The following NUP93 variants were observed in gnomAD, a reference collection of about 807,000 sequenced individuals.
The protein encoded by NUP93 is nuclear pore complex protein Nup93.
Under a neutral mutation model 107.8 loss-of-function variants are expected in NUP93, and 55 were observed. The ratio of observed to expected loss-of-function variants is 0.51; its 90% CI spans 0.41 to 0.64. The LOEUF (loss-of-function observed/expected upper bound fraction) is 0.64, where lower values mean the gene tolerates loss of function less well. Ranked by LOEUF, NUP93 falls within the 30% of genes least tolerant of loss-of-function variation. The pLI, the probability that NUP93 is intolerant of heterozygous loss-of-function variation, is 0.00. For missense variants in NUP93, 937 were observed against 1,044.7 expected, an observed-to-expected ratio of 0.90 and a Z score of 1.42; for synonymous variants, 390 against 397.5, an observed-to-expected ratio of 0.98 and a Z score of 0.22.
intron 3 of NUP93, among the ~76,000 whole-genome samples, chr16:56,762,947 C>T (rs1199235036): frequency 6.6e-6 from 1 of 152,064 alleles, no homozygotes; most frequent in Non-Finnish European, 1.5e-5. Context: ...GGATTTAGGA[C>T]CCACCCTAAA....
intron 2 of NUP93, among the ~76,000 whole-genome samples, chr16:56,749,806 TA>T (rs1372739098): frequency 6.6e-6 from 1 of 152,234 alleles, no homozygotes; most frequent in Non-Finnish European, 1.5e-5. Flanking sequence ...TTGGCATTGG[TA>T]AAGGCAAATC....
intron 7 of NUP93, among the ~76,000 whole-genome samples, chr16:56,822,560 TTTTC>T (rs1258936947): frequency 1.0e-4 from 4 of 39,930 alleles, no homozygotes; most frequent in African/African-American, 3.5e-4. Flanking sequence ...CTTTCTTTTC[TTTTC>T]TTTTTTTTTT....
intron 3 of NUP93, among the ~76,000 whole-genome samples, chr16:56,794,090 G>GA (rs1567391409): frequency 0.055 from 4,163 of 75,978 alleles, 85 homozygotes; most frequent in East Asian, 0.11. Flanking sequence ...AGGTAGGTAG[G>GA]TAGATAGATA....
At chr16:56,815,483 A>G (rs1428862729) in intron 5 of NUP93, among the ~76,000 whole-genome samples, 23 of 152,218 alleles carry the variant, frequency 1.5e-4, no homozygotes, top group Admixed American at 1.5e-3. Context: ...GAAAAATGAA[A>G]TGAGACTTTC....
At chr16:56,807,406 A>G (rs1007348122) in intron 5 of NUP93, among the ~76,000 whole-genome samples, 1 of 152,068 alleles carries the variant, frequency 6.6e-6, no homozygotes, top group Non-Finnish European at 1.5e-5. Context: ...ACATCCTTCT[A>G]TGTGCCATAG....
At chr16:56,835,660 C>T (rs1470217659) in intron 16 of NUP93, among the ~76,000 whole-genome samples, 1 of 152,202 alleles carries the variant, frequency 6.6e-6, no homozygotes, top group Non-Finnish European at 1.5e-5. Flanking sequence ...TCAACCTGGT[C>T]CAGCCACCTT....
chr16:56,757,230 T>C (rs1962040624), intron 2 of NUP93, among the ~76,000 whole-genome samples: 1 of 152,252 alleles, frequency 6.6e-6, no homozygotes, highest in African/African-American at 2.4e-5. Flanking sequence ...TTACATGTGC[T>C]GCCAAATTCT....
intron 3 of NUP93, among the ~76,000 whole-genome samples, chr16:56,779,865 A>G (rs2144517104): frequency 6.6e-6 from 1 of 152,298 alleles, no homozygotes; most frequent in Non-Finnish European, 1.5e-5. Context: ...AGTGAACCTC[A>G]GATGTATCCC....
intron 3 of NUP93, among the ~76,000 whole-genome samples, chr16:56,765,063 A>G (rs1457167452): frequency 6.6e-6 from 1 of 152,248 alleles, no homozygotes; most frequent in Admixed American, 6.5e-5. Context: ...AGTAGGCAGA[A>G]CATCCCTATC....
At chr16:56,768,737 G>A (rs1189750247) in intron 3 of NUP93, among the ~76,000 whole-genome samples, 3 of 144,924 alleles carry the variant, frequency 2.1e-5, no homozygotes, top group African/African-American at 5.1e-5. Flanking sequence ...TGTGGTGGCG[G>A]GCGCCTGTAG....
chr16:56,810,517 G>T (rs1279585423), intron 5 of NUP93, among the ~76,000 whole-genome samples: 1 of 151,972 alleles, frequency 6.6e-6, no homozygotes, highest in Admixed American at 6.6e-5. Context: ...CTGTAGTCTG[G>T]GCTACTCAAG....
At chr16:56,763,719 G>A (rs1962169781) in intron 3 of NUP93, among the ~76,000 whole-genome samples, 1 of 152,024 alleles carries the variant, frequency 6.6e-6, no homozygotes, top group African/African-American at 2.4e-5. Context: ...ACAGTATATT[G>A]GCTTCCCTGC....
intron 13 of NUP93, 103 bp from the exon 14 acceptor site, chr16:56,834,025 G>A: frequency 6.6e-7 from 1 of 1,511,740 alleles, no homozygotes; most frequent in South Asian, 1.2e-5. Context: ...TGGGCTGCAG[G>A]AGTAGATGCT....
chr16:56,827,070 T>G (rs7190705), intron 8 of NUP93, among the ~76,000 whole-genome samples: 3 of 60,914 alleles, frequency 4.9e-5, no homozygotes, highest in Admixed American at 1.9e-4. Context: ...AAAAAAAAAA[T>G]TTTGTTGAGT....
At chr16:56,815,899 G>GGTGCTGCTGCTGCTGCTGGTGCTGCTGC (rs1555495759) in intron 5 of NUP93, among the ~76,000 whole-genome samples, 3 of 95,984 alleles carry the variant, frequency 3.1e-5, no homozygotes, top group African/African-American at 1.2e-4. Context: ...GCTGCTGCTG[G>GGTGCTGCTGCTGCTGCTGGTGCTGCTGC]TGCTGCTGCT....
chr16:56,752,137 C>A (rs182554664), intron 2 of NUP93, among the ~76,000 whole-genome samples: 2 of 152,274 alleles, frequency 1.3e-5, no homozygotes, highest in African/African-American at 4.8e-5. Flanking sequence ...TATTTTGGCA[C>A]TGGATACATT....
intron 15 of NUP93, 29 bp downstream of exon 15, chr16:56,834,471 C>A: frequency 3.7e-6 from 6 of 1,609,340 alleles, no homozygotes; most frequent in Non-Finnish European, 4.3e-6. Flanking sequence ...CTCTCCTCCC[C>A]ATGGTTTTCA....
At chr16:56,783,846 A>G (rs183882988) in intron 3 of NUP93, 254 of 985,450 alleles carry the variant, frequency 2.6e-4, no homozygotes, top group Middle Eastern at 1.6e-3. Context: ...ATATTCCCAG[A>G]AAGAAAATGG....
At chr16:56,773,427 G>T (rs1471163698) in intron 3 of NUP93, among the ~76,000 whole-genome samples, 1 of 152,212 alleles carries the variant, frequency 6.6e-6, no homozygotes, top group African/African-American at 2.4e-5. Context: ...TTCCTTGGGG[G>T]TTAGGAAGGG....
Sources: allele counts gnomAD v4.1 joint callset (sites outside exome capture counted in the v4.1 genomes callset), GRCh38; gene constraint gnomAD v4.1.1; transcripts MANE v1.5; gene names NCBI Gene and HGNC (gene_info 2026-07-23, HGNC 2026-07-21).